SOX5: variants seen among roughly 807,000 people sequenced by gnomAD.
SOX5 encodes SRY-box transcription factor 5.
Under a neutral mutation model 92.0 loss-of-function variants are expected in SOX5, and 9 were observed. That is an observed-to-expected ratio of 0.10 (90% CI 0.06 to 0.17). The LOEUF is 0.17. SOX5 is among the 10% of genes least tolerant of loss of function. The probability of loss-of-function intolerance (pLI) is 1.00; values close to 1 mark genes in which losing one functional copy is unlikely to be tolerated. For synonymous variants in SOX5, 344 were observed against 336.3 expected, an observed-to-expected ratio of 1.02 and a Z score of -0.25; for missense variants, 642 against 944.5, an observed-to-expected ratio of 0.68 and a Z score of 4.20.
chr12:23,934,641 T>G (rs942823764), intron 1 of SOX5, among the ~76,000 whole-genome samples: 4 of 151,166 alleles, frequency 2.6e-5, no homozygotes, highest in Non-Finnish European at 5.9e-5. Flanking sequence ...TATTTATACA[T>G]CCATAGGTAG....
chr12:24,058,322 A>T (rs1180088233), intron 4 of SOX5, among the ~76,000 whole-genome samples: 1 of 152,222 alleles, frequency 6.6e-6, no homozygotes, highest in Non-Finnish European at 1.5e-5. Context: ...TTAAAAAAAA[A>T]ATTCTCTTTC....
Position 23,741,055 on chromosome 12 carries a change from C to T in SOX5, c.569-16G>A. On this transcript the variant is annotated splice_polypyrimidine_tract_variant and intron_variant, in intron 4 of 14. Coordinates refer to ENST00000451604, the MANE Select transcript of SOX5 (RefSeq NM_006940.6). ...TCGGGAGTCCCTACAAATCATATAGCAATAAAACAGACAAAATAAATGAAA... is the reference window on the plus strand; with the variant it reads ...TCGGGAGTCCCTACAAATCATATAGTAATAAAACAGACAAAATAAATGAAA... The T allele has an allele frequency of 6.5e-7, 1 of 1,538,510 alleles. No individual in the cohort carries two copies. The highest frequency in any genetic ancestry group is 8.8e-7 in the Non-Finnish European group (1 of 1,136,772).
chr12:24,168,761 C>A (rs975446400), intron 4 of SOX5, among the ~76,000 whole-genome samples: 2 of 152,108 alleles, frequency 1.3e-5, no homozygotes, highest in African/African-American at 2.4e-5. Context: ...ATTGTATAAA[C>A]CAAACGCCCA....
At chr12:24,451,818 T>C (rs936438729) in intron 1 of SOX5, among the ~76,000 whole-genome samples, 5 of 152,188 alleles carry the variant, frequency 3.3e-5, no homozygotes, top group African/African-American at 4.8e-5. Flanking sequence ...AGTATAAACA[T>C]TGAATAAGAA....
chr12:23,628,260 G>A (rs1458994000), intron 8 of SOX5, among the ~76,000 whole-genome samples: 1 of 151,868 alleles, frequency 6.6e-6, no homozygotes, highest in Non-Finnish European at 1.5e-5. Context: ...TGGGGAACTA[G>A]CCATATGAAA....
chr12:24,236,191 C>A (rs1399106163), intron 3 of SOX5, among the ~76,000 whole-genome samples: 1 of 151,868 alleles, frequency 6.6e-6, no homozygotes, highest in East Asian at 1.9e-4. Context: ...CAGTGAGACT[C>A]AGTCTCAAAA....
intron 1 of SOX5, among the ~76,000 whole-genome samples, chr12:24,482,014 G>T (rs1412388112): frequency 2.0e-5 from 3 of 152,202 alleles, no homozygotes; most frequent in East Asian, 3.8e-4. Flanking sequence ...TAGGAGAAAA[G>T]ACTTTAAGGA....
chr12:24,337,747 G>A (rs1456556069), intron 2 of SOX5, among the ~76,000 whole-genome samples: 1 of 152,148 alleles, frequency 6.6e-6, no homozygotes, highest in Admixed American at 6.5e-5. Context: ...TGACACTGTC[G>A]TTAATGCTGG....
chr12:24,476,133 T>C (rs1207194187), intron 1 of SOX5, among the ~76,000 whole-genome samples: 2 of 152,200 alleles, frequency 1.3e-5, no homozygotes, highest in Admixed American at 1.3e-4. Context: ...TTTCCAACTG[T>C]TCATTCCTGG....
intron 4 of SOX5, among the ~76,000 whole-genome samples, chr12:24,187,828 T>C (rs550841450): frequency 6.6e-6 from 1 of 152,314 alleles, no homozygotes; most frequent in Admixed American, 6.5e-5. Flanking sequence ...TCATAGAATA[T>C]GGGAAGCTAC....
At chr12:24,460,384 C>G (rs1943490916) in intron 1 of SOX5, among the ~76,000 whole-genome samples, 2 of 152,192 alleles carry the variant, frequency 1.3e-5, no homozygotes, top group South Asian at 4.2e-4. Flanking sequence ...TATTTTGTAG[C>G]TTTCTAAAAG....
At chr12:23,725,889 G>A (rs2093083249) in intron 6 of SOX5, among the ~76,000 whole-genome samples, 2 of 152,092 alleles carry the variant, frequency 1.3e-5, no homozygotes, top group South Asian at 4.1e-4. Flanking sequence ...TTCAAATGCT[G>A]CTGTAAGCTC....
At position 23,774,032 on chromosome 12, in the gene SOX5, A is replaced by G. The variant is rs58320480; in HGVS notation, c.482-18308T>C. Among the ~76,000 whole-genome samples the G allele has an allele frequency of 1.2e-4, 19 of 152,244 alleles. No individual in the cohort carries two copies. In the East Asian group the frequency reaches 3.5e-3, roughly 28 times the overall value. On this transcript the variant is annotated intron_variant, in intron 3 of 14. Coordinates refer to ENST00000451604, the MANE Select transcript of SOX5 (RefSeq NM_006940.6). ...TCTGTCTTTGCTCATTTTAAAAAGT[A>G]AAATTATGATGCCCACTCGCCTTAC...
chr12:24,447,010 C>T (rs1941578457), intron 1 of SOX5, among the ~76,000 whole-genome samples: 1 of 152,066 alleles, frequency 6.6e-6, no homozygotes, highest in Non-Finnish European at 1.5e-5. Context: ...TCCATGAGTC[C>T]ATATTGATAG....
At chr12:24,138,890 G>A (rs186464263) in intron 4 of SOX5, among the ~76,000 whole-genome samples, 1 of 152,190 alleles carries the variant, frequency 6.6e-6, no homozygotes, top group East Asian at 1.9e-4. Flanking sequence ...TGTATCCCAG[G>A]CAACATAATA....
intron 10 of SOX5, among the ~76,000 whole-genome samples, chr12:23,574,025 A>T (rs183535495): frequency 6.6e-6 from 1 of 151,680 alleles, no homozygotes. Flanking sequence ...AATATCAGTT[A>T]TCTATCTATT....
intron 4 of SOX5, among the ~76,000 whole-genome samples, chr12:23,991,270 G>A (rs1950528103): frequency 6.6e-6 from 1 of 151,432 alleles, no homozygotes; most frequent in African/African-American, 2.4e-5. Context: ...GGCTGAGGCA[G>A]GAGGATCCCT....
At chr12:24,205,026 C>G (rs1219727815) in intron 4 of SOX5, among the ~76,000 whole-genome samples, 1 of 152,144 alleles carries the variant, frequency 6.6e-6, no homozygotes, top group Non-Finnish European at 1.5e-5. Context: ...CACAACAGCT[C>G]AGGATGAAAC....
intron 3 of SOX5, among the ~76,000 whole-genome samples, chr12:23,807,519 T>C (rs1219401427): frequency 6.6e-6 from 1 of 152,108 alleles, no homozygotes; most frequent in East Asian, 1.9e-4. Flanking sequence ...GGCTTGACAG[T>C]TATTACCAGA....
Sources: gnomAD v4.1 joint callset for allele counts (sites outside exome capture counted in the v4.1 genomes callset) on GRCh38, gnomAD v4.1.1 for gene constraint, MANE v1.5 for transcripts, NCBI Gene and HGNC (gene_info 2026-07-23, HGNC 2026-07-21) for gene names.